Variants in UPRT observed in about 807,000 individuals in gnomAD.
The protein encoded by UPRT is RP11-311P8.3.
A neutral mutation model predicts 22.6 loss-of-function variants in UPRT; 5 were observed. That is an observed-to-expected ratio of 0.22 (90% CI 0.12 to 0.47). The LOEUF (loss-of-function observed/expected upper bound fraction) is 0.47, where lower values mean the gene tolerates loss of function less well. UPRT is among the 20% of genes least tolerant of loss of function. The pLI is 0.99. For missense variants in UPRT, 181 were observed against 239.9 expected (o/e 0.75, Z 1.62); for synonymous variants, 77 against 87.7 (o/e 0.88, Z 0.68).
At chrX:75,262,689 A>G (rs1269554252) in intron 4 of UPRT, among the ~76,000 whole-genome samples, 1 of 112,030 alleles carries the variant, frequency 8.9e-6, no homozygotes, top group Non-Finnish European at 1.9e-5. Context: ...AAACTAACAA[A>G]GATCAAAAGA....
intron 4 of UPRT, among the ~76,000 whole-genome samples, chrX:75,222,240 C>G (rs982505980): frequency 2.7e-5 from 3 of 111,942 alleles, no homozygotes; most frequent in Non-Finnish European, 5.6e-5. Context: ...AGGAGTGACA[C>G]AAGTACTGCT....
At chrX:75,217,674 G>A (rs1458689329) in intron 4 of UPRT, among the ~76,000 whole-genome samples, 1 of 111,823 alleles carries the variant, frequency 8.9e-6, no homozygotes, top group African/African-American at 3.3e-5. Flanking sequence ...GCATGGTACT[G>A]GTACCAAAAC....
chrX:75,159,977 C>T (rs1476991296), intron 1 of UPRT, among the ~76,000 whole-genome samples: 11 of 109,301 alleles, frequency 1.0e-4, no homozygotes, highest in South Asian at 4.0e-4. Flanking sequence ...GGGGTTTCAC[C>T]GAGGATTGTC....
intron 1 of UPRT, among the ~76,000 whole-genome samples, chrX:75,275,634 C>T (rs764201223): frequency 9.0e-6 from 1 of 111,400 alleles, no homozygotes; most frequent in Non-Finnish European, 1.9e-5. Flanking sequence ...TAACATACAT[C>T]TTTGATTCAG....
chrX:75,206,094 G>A (rs896848401), intron 4 of UPRT, among the ~76,000 whole-genome samples: 82 of 111,563 alleles, frequency 7.4e-4, no homozygotes, highest in African/African-American at 2.6e-3. Flanking sequence ...TACAGCCTTT[G>A]CCAGCTGTTG....
chrX:75,244,386 T>C (rs932683033), intron 4 of UPRT, among the ~76,000 whole-genome samples: 2 of 112,077 alleles, frequency 1.8e-5, no homozygotes, highest in East Asian at 5.6e-4. Flanking sequence ...AAACTACCAA[T>C]GACATTCTTT....
intron 4 of UPRT, among the ~76,000 whole-genome samples, chrX:75,230,931 G>C (rs1484914046): frequency 2.7e-5 from 3 of 112,071 alleles, no homozygotes; most frequent in Non-Finnish European, 5.6e-5. Flanking sequence ...ATCACCCTAT[G>C]GGACAAAATA....
chrX:75,245,057 A>C (rs2082499916), intron 4 of UPRT, among the ~76,000 whole-genome samples: 1 of 110,857 alleles, frequency 9.0e-6, no homozygotes, highest in Middle Eastern at 4.6e-3. Context: ...GAATCTATTA[A>C]AAAAAACTGA....
At chrX:75,206,655 A>G (rs1392288095) in intron 4 of UPRT, among the ~76,000 whole-genome samples, 1 of 110,319 alleles carries the variant, frequency 9.1e-6, no homozygotes, top group African/African-American at 3.3e-5. Flanking sequence ...GTATGCTGGG[A>G]AAAATGGGCA....
intron 4 of UPRT, among the ~76,000 whole-genome samples, chrX:75,268,127 C>A (rs986592561): frequency 8.9e-6 from 1 of 111,816 alleles, no homozygotes; most frequent in Admixed American, 9.5e-5. Flanking sequence ...AAACTATAAA[C>A]ACCTCTACCT....
chrX:75,178,920 A>C (rs985806465), intron 4 of UPRT, among the ~76,000 whole-genome samples: 4 of 111,800 alleles, frequency 3.6e-5, no homozygotes, highest in African/African-American at 1.3e-4. Context: ...CCTCACCTAC[A>C]TCCTGCTGAT....
intron 4 of UPRT, among the ~76,000 whole-genome samples, chrX:75,216,487 G>A (rs1205268788): frequency 3.6e-5 from 4 of 112,374 alleles, no homozygotes; most frequent in African/African-American, 6.5e-5. Context: ...AAGTCTACTC[G>A]TGGGTTGTGG....
At chrX:75,239,980 GACA>G (rs984065748) in intron 4 of UPRT, among the ~76,000 whole-genome samples, 16 of 111,150 alleles carry the variant, frequency 1.4e-4, no homozygotes, top group African/African-American at 5.2e-4. Flanking sequence ...TAAATCCACA[GACA>G]ACATTATATT....
chrX:75,168,558 C>T (rs1218906478), intron 4 of UPRT, among the ~76,000 whole-genome samples: 1 of 110,901 alleles, frequency 9.0e-6, no homozygotes, highest in Admixed American at 9.6e-5. Flanking sequence ...GACGGAGTTT[C>T]GCTCTTTGTT....
chrX:75,282,424 G>A (rs762764638), intron 1 of UPRT, among the ~76,000 whole-genome samples: 1 of 110,676 alleles, frequency 9.0e-6, no homozygotes, highest in Non-Finnish European at 1.9e-5. Flanking sequence ...TCTTAGCACT[G>A]CCTTTGCTGT....
chrX:75,301,054 G>A, intron 6 of UPRT, 89 bp downstream of exon 6: 1 of 597,783 alleles, frequency 1.7e-6, no homozygotes, highest in South Asian at 3.5e-5. Context: ...CTGAGGAAAA[G>A]TTTATCTGCT....
chrX:75,193,195 A>G lies in UPRT; in HGVS notation c.-447+25316A>G, dbSNP rs184420060. Among the ~76,000 whole-genome samples, 377 of 111,495 alleles carry G rather than the reference A, an allele frequency of 3.4e-3. 2 individuals are homozygous for G. Among genetic ancestry groups the G allele is most frequent in the African/African-American group, 0.012 (361 of 30,658 alleles). The stretch of plus-strand genomic sequence containing the variant: ...ATTCCTTTAGTATTTGCTTGTTTGA[A>G]AAGGGTCTTATTTTTCTTTCACTTA... On this transcript the variant is annotated intron_variant, in intron 4 of 13. Coordinates refer to the UPRT transcript ENST00000652605.
upstream of UPRT, among the ~76,000 whole-genome samples, chrX:75,270,438 A>G (rs1443885420): frequency 8.9e-6 from 1 of 111,799 alleles, no homozygotes. Flanking sequence ...TCATTCTACT[A>G]TAAAGACACA....
intron 4 of UPRT, among the ~76,000 whole-genome samples, chrX:75,171,631 G>T (rs1290370848): frequency 3.7e-5 from 3 of 81,641 alleles, no homozygotes; most frequent in African/African-American, 1.2e-4. Flanking sequence ...TGTGATTTTT[G>T]GGGGGTGTTA....
Sources: gnomAD v4.1 joint callset for allele counts (sites outside exome capture counted in the v4.1 genomes callset) on GRCh38, gnomAD v4.1.1 for gene constraint, MANE v1.5 for transcripts, NCBI Gene and HGNC (gene_info 2026-07-23, HGNC 2026-07-21) for gene names.